GPALPP1: variants seen among roughly 807,000 people sequenced by gnomAD.
GPALPP1 encodes the protein GPALPP motifs-containing protein 1.
A neutral mutation model predicts 38.9 loss-of-function variants in GPALPP1; 30 were observed. The observed-to-expected ratio is 0.77, with a 90% CI of 0.58 to 1.05. GPALPP1 has a LOEUF of 1.05. GPALPP1 is among the 50% of genes least tolerant of loss of function. The pLI is 0.00. For missense variants in GPALPP1, 384 were observed against 408.8 expected, an observed-to-expected ratio of 0.94 and a Z score of 0.52; for synonymous variants, 120 against 139.2, an observed-to-expected ratio of 0.86 and a Z score of 0.97.
chr13:45,006,160 A>T (rs748851144), intron 2 of GPALPP1, 42 bp from the exon 3 acceptor site: 2 of 1,164,622 alleles, frequency 1.7e-6, no homozygotes, highest in African/African-American at 3.1e-5. Context: ...TGTGAAAAAA[A>T]TTTTGACATA....
At chr13:44,996,895 A>T (rs1873332895) in intron 1 of GPALPP1, among the ~76,000 whole-genome samples, 1 of 150,270 alleles carries the variant, frequency 6.7e-6, no homozygotes, top group Admixed American at 6.7e-5. Flanking sequence ...AGTGGCATTA[A>T]ATACATTCAG....
rs1331894153 is a variant in GPALPP1, at chr13:45,029,251, G to A, written c.*1248G>A. 6.6e-6 allele frequency: 1 copy of A among 152,090 alleles called. No individual in the cohort carries two copies. The highest frequency in any genetic ancestry group is 1.5e-5 in the Non-Finnish European group (1 of 68,024). The allele number at this position is 152,090 out of a possible 1,614,324, so 9.4% of individuals were successfully genotyped here. A position where few individuals can be genotyped will look rare whatever the true frequency, so the allele number is the denominator to read the frequency against. On this transcript the variant is annotated 3_prime_UTR_variant, in exon 8 of 8. Coordinates refer to ENST00000379151, the MANE Select transcript of GPALPP1 (RefSeq NM_018559.5). ...ATTCTTACCTCAGGGGGATTTCCCT[G>A]TGCAATGAAGAAAAGTTGAAGAATA...
Position 45,023,181 on chromosome 13 carries a change from G to A in GPALPP1, c.804+2753G>A, listed in dbSNP as rs138186894. Among the ~76,000 whole-genome samples the A allele has an allele frequency of 2.8e-3, 430 of 152,212 alleles. 1 individual carries two copies. Among genetic ancestry groups the A allele is most frequent in the African/African-American group, 9.7e-3 (401 of 41,534 alleles). The stretch of plus-strand genomic sequence containing the variant: ...AGCAGATTAATCTCTTACATCAGCT[G>A]GCTTTCAGCTTTTGATTTTCAGTGA... On this transcript the variant is annotated intron_variant, in intron 7 of 7. Transcript: ENST00000379151.
Position 45,027,958 on chromosome 13 carries a change from A to G in GPALPP1, c.978A>G (p.Glu326=), listed in dbSNP as rs754943108. The G allele has an allele frequency of 1.9e-6, 3 of 1,610,346 alleles. No individual in the cohort carries two copies. The Admixed American group carries it at 5.0e-5, about 27-fold the overall frequency. Residue 326 remains glutamate (E), a synonymous_variant, in exon 8 of 8, where the codon GAA becomes GAG. Transcript: ENST00000379151. ...QKKALIKKSR[E]LNTRFSHGKG... ...AAGCCCTAATAAAAAAATCTAGAGA[A>G]CTAAACACCAGATTTTCACACGGCA... is the stretch of plus-strand genomic sequence containing the variant.
chr13:45,011,940 G>A (rs1593395482), intron 4 of GPALPP1, among the ~76,000 whole-genome samples: 1 of 152,212 alleles, frequency 6.6e-6, no homozygotes, highest in South Asian at 2.1e-4. Flanking sequence ...ACACAAAGGA[G>A]TGCTAGGGGA....
intron 7 of GPALPP1, among the ~76,000 whole-genome samples, chr13:45,023,109 A>G (rs1158801047): frequency 6.6e-6 from 1 of 151,456 alleles, no homozygotes; most frequent in Non-Finnish European, 1.5e-5. Context: ...AAATGCAAAC[A>G]TTTGTGTTAA....
intron 6 of GPALPP1, among the ~76,000 whole-genome samples, chr13:45,018,142 A>C (rs1341857268): frequency 1.3e-5 from 2 of 152,216 alleles, no homozygotes; most frequent in Admixed American, 6.5e-5. Context: ...TCACGCCTGT[A>C]ATCCTAACAC....
intron 1 of GPALPP1, among the ~76,000 whole-genome samples, chr13:45,000,227 G>A (rs2137960533): frequency 6.6e-6 from 1 of 152,102 alleles, no homozygotes; most frequent in East Asian, 1.9e-4. Flanking sequence ...GACCAAGCTG[G>A]ACAACATAGT....
chr13:45,034,642 A>G (rs762724944), downstream of GPALPP1: 10 of 152,034 alleles, frequency 6.6e-5, no homozygotes, highest in South Asian at 1.0e-3. Context: ...TACTGATACT[A>G]TGAAGCCTAT....
chr13:45,015,886 C>T (rs1022418396), intron 6 of GPALPP1, among the ~76,000 whole-genome samples: 3 of 151,994 alleles, frequency 2.0e-5, no homozygotes, highest in South Asian at 4.2e-4. Context: ...ATGAGGTCAA[C>T]GTTTCTAGGG....
chr13:44,999,096 A>G (rs1442860798), intron 1 of GPALPP1, among the ~76,000 whole-genome samples: 1 of 152,218 alleles, frequency 6.6e-6, no homozygotes, highest in African/African-American at 2.4e-5. Context: ...AATACCATAT[A>G]ATTTTTTTGT....
At chr13:44,991,693 T>C (rs1031593877) in intron 1 of GPALPP1, among the ~76,000 whole-genome samples, 4 of 152,230 alleles carry the variant, frequency 2.6e-5, no homozygotes, top group Non-Finnish European at 5.9e-5. Context: ...ACATCCACTA[T>C]ATCACACCAT....
intron 5 of GPALPP1, among the ~76,000 whole-genome samples, 174 bp from the exon 6 acceptor site, chr13:45,015,258 G>A (rs928056383): frequency 5.3e-5 from 8 of 152,022 alleles, no homozygotes; most frequent in South Asian, 2.1e-4. Context: ...TTGGATGAAC[G>A]TCTTTGTAAC....
chr13:45,009,795 G>C (rs1874347682), intron 4 of GPALPP1, among the ~76,000 whole-genome samples: 1 of 152,150 alleles, frequency 6.6e-6, no homozygotes. Context: ...CCACAGTGTG[G>C]CAGGCACATA....
chr13:45,004,425 G>C lies in GPALPP1; in HGVS notation c.209G>C (p.Gly70Ala). 5 of 1,609,450 alleles carry C rather than the reference G, an allele frequency of 3.1e-6. No individual in the cohort carries two copies. The highest frequency in any genetic ancestry group is 4.3e-6 in the Non-Finnish European group (5 of 1,176,126). ...GNQESEEDDS[G>A]PTARKQRKNQ... ...CAAGAATCTGAAGAAGATGACAGTG[G>C]TCCAACTGCAAGGTCAGTCATTTAA... The change falls in exon 2 of 8, where the codon GGT becomes GCT. Residue 70 changes from glycine (G) to alanine (A), a missense_variant. By Grantham distance (60) the Gly-to-Ala change is moderately conservative. Transcript: ENST00000379151.
intron 4 of GPALPP1, 189 bp downstream of exon 4, chr13:45,009,068 A>G: frequency 1.5e-6 from 1 of 671,786 alleles, no homozygotes; most frequent in South Asian, 1.5e-5. Flanking sequence ...AAAGCTGTTC[A>G]CAAACCTGAG....
chr13:45,007,794 C>T (rs2137975564), intron 3 of GPALPP1, among the ~76,000 whole-genome samples: 1 of 152,300 alleles, frequency 6.6e-6, no homozygotes, highest in East Asian at 1.9e-4. Flanking sequence ...GTTGGTAACA[C>T]TGGCACAGTG....
intron 1 of GPALPP1, among the ~76,000 whole-genome samples, chr13:44,998,406 C>T (rs1315798856): frequency 6.6e-6 from 1 of 152,190 alleles, no homozygotes. Flanking sequence ...TAACCCATTG[C>T]ATTTCTGCCC....
chr13:45,036,653 A>G (rs933875523), exon 8 of GPALPP1: 2 of 152,238 alleles, frequency 1.3e-5, no homozygotes, highest in African/African-American at 4.8e-5. Flanking sequence ...AATGTTAAAA[A>G]GAAACAAAAG....
Sources: allele counts gnomAD v4.1 joint callset (sites outside exome capture counted in the v4.1 genomes callset), GRCh38; gene constraint gnomAD v4.1.1; transcripts MANE v1.5; gene names NCBI Gene and HGNC (gene_info 2026-07-23, HGNC 2026-07-21).